Variants in CEP83 observed in about 807,000 individuals in gnomAD.
The protein encoded by CEP83 is centrosomal protein of 83 kDa.
CEP83 carries 70 observed loss-of-function variants against 101.9 expected under a neutral mutation model. That is an observed-to-expected ratio of 0.69 (90% confidence interval 0.57 to 0.84). CEP83 has a LOEUF of 0.84. Ranked by LOEUF, CEP83 falls within the 40% of genes least tolerant of loss-of-function variation. CEP83 has a pLI of 0.00. For missense variants in CEP83, 715 were observed against 787.2 expected, an observed-to-expected ratio of 0.91 and a Z score of 1.10; for synonymous variants, 264 against 267.9, an observed-to-expected ratio of 0.99 and a Z score of 0.14.
intron 2 of CEP83, among the ~76,000 whole-genome samples, chr12:94,417,173 G>A (rs1404001990): frequency 6.6e-6 from 1 of 151,930 alleles, no homozygotes; most frequent in Non-Finnish European, 1.5e-5. Flanking sequence ...AAAGTCATTA[G>A]CTAGGCATGG....
At chr12:94,333,045 CAAAAAAAAAAA>C (rs34900007) in intron 13 of CEP83, among the ~76,000 whole-genome samples, 2 of 73,174 alleles carry the variant, frequency 2.7e-5, no homozygotes, top group Non-Finnish European at 2.4e-5. Flanking sequence ...ATTTTAAGAC[CAAAAAAAAAAA>C]AAAAAAAAAC....
chr12:94,419,687 AAACTGACCTACCC>A (rs2064566760), intron 2 of CEP83, among the ~76,000 whole-genome samples: 2 of 152,174 alleles, frequency 1.3e-5, no homozygotes, highest in Non-Finnish European at 2.9e-5. Flanking sequence ...CACAGCCCAT[AAACTGACCTACCC>A]ATATAAGATA....
At chr12:94,315,918 T>C (rs1970613812) in intron 14 of CEP83, among the ~76,000 whole-genome samples, 1 of 152,280 alleles carries the variant, frequency 6.6e-6, no homozygotes, top group Middle Eastern at 3.4e-3. Flanking sequence ...TTATATTTAG[T>C]GTTGATACCT....
the CEP83 span, chr12:94,294,452 TG>T: frequency 1.1e-6 from 1 of 949,162 alleles, no homozygotes; most frequent in Non-Finnish European, 1.7e-6. Flanking sequence ...CATTAAATTT[TG>T]AACACTCATA....
At chr12:94,423,859 G>A in intron 2 of CEP83, 10 of 1,612,688 alleles carry the variant, frequency 6.2e-6, no homozygotes, top group East Asian at 4.5e-5. Flanking sequence ...GCACAGGGGT[G>A]TACTGGGAGA....
chr12:94,337,437 T>C (rs1226134118), intron 11 of CEP83, among the ~76,000 whole-genome samples: 2 of 152,194 alleles, frequency 1.3e-5, no homozygotes, highest in African/African-American at 4.8e-5. Context: ...TTAAGATCAT[T>C]ACATTTAGGA....
Position 94,335,682 on chromosome 12 carries a change from A to G in CEP83, c.1344-18T>C, listed in dbSNP as rs1305084476. 2.7e-6 allele frequency: 4 copies of G among 1,482,040 alleles called. No homozygotes were observed. The highest frequency in any genetic ancestry group is 3.7e-6 in the Non-Finnish European group (4 of 1,077,656). The allele number at this position is 1,482,040 out of a possible 1,614,324, so 91.8% of individuals were successfully genotyped here. ...GTTTTAACCTAAAAATCACAACCCAACAAAAGGCATTATTAAGAATCCATG... is the reference window on the plus strand; with the variant it reads ...GTTTTAACCTAAAAATCACAACCCAGCAAAAGGCATTATTAAGAATCCATG... On this transcript the variant is annotated intron_variant, in intron 11 of 16. Transcript: ENST00000397809.
chr12:94,321,351 T>G (rs1269637846), intron 14 of CEP83, among the ~76,000 whole-genome samples: 1 of 152,238 alleles, frequency 6.6e-6, no homozygotes, highest in Non-Finnish European at 1.5e-5. Context: ...CTATTCATAT[T>G]CTGAATTCTA....
intron 4 of CEP83, among the ~76,000 whole-genome samples, chr12:94,403,572 G>T (rs1398826740): frequency 6.6e-6 from 1 of 152,132 alleles, no homozygotes; most frequent in Non-Finnish European, 1.5e-5. Context: ...ATGGCTAATA[G>T]TCTAGTTATT....
At chr12:94,281,542 T>C in the CEP83 span, among the ~76,000 whole-genome samples, 2 of 152,164 alleles carry the variant, frequency 1.3e-5, no homozygotes, top group African/African-American at 4.8e-5. Context: ...ATTTTCTTTT[T>C]TTAAAGAAAT....
the CEP83 span, among the ~76,000 whole-genome samples, chr12:94,289,721 C>A: frequency 1.3e-5 from 2 of 152,174 alleles, no homozygotes; most frequent in African/African-American, 2.4e-5. Flanking sequence ...AAACGGAAAC[C>A]TTTCCCCCAC....
chr12:94,324,554 A>G (rs1483678724), intron 14 of CEP83, among the ~76,000 whole-genome samples: 3 of 152,156 alleles, frequency 2.0e-5, no homozygotes, highest in Non-Finnish European at 4.4e-5. Flanking sequence ...TCTGAGGACA[A>G]TCAGTCTTGC....
At chr12:94,423,922 G>A (rs2064983465) in intron 2 of CEP83, 1 of 1,611,128 alleles carries the variant, frequency 6.2e-7, no homozygotes, top group South Asian at 1.1e-5. Context: ...CTGTGCTGCT[G>A]AGGCAGAGAT....
the CEP83 span, among the ~76,000 whole-genome samples, chr12:94,280,657 T>G: frequency 3.3e-5 from 5 of 152,230 alleles, no homozygotes; most frequent in East Asian, 9.6e-4. Flanking sequence ...AGATACAGGA[T>G]CAAAGGGGGA....
At chr12:94,281,299 C>A in the CEP83 span, among the ~76,000 whole-genome samples, 15 of 151,974 alleles carry the variant, frequency 9.9e-5, 1 homozygote, top group Admixed American at 2.6e-4. Context: ...AAAAACAAAA[C>A]CAAAAAAAAG....
chr12:94,452,877 G>A (rs1225102195), intron 1 of CEP83, among the ~76,000 whole-genome samples: 1 of 152,126 alleles, frequency 6.6e-6, no homozygotes, highest in African/African-American at 2.4e-5. Flanking sequence ...TTAAGTAACT[G>A]GTTCAAAAAG....
chr12:94,304,429 T>C (rs907444196), downstream of CEP83: 3 of 166,170 alleles, frequency 1.8e-5, no homozygotes, highest in Non-Finnish European at 2.6e-5. Context: ...TATTCAATCG[T>C]TATATGAAAT....
At chr12:94,312,829 G>A in intron 15 of CEP83, 85 bp downstream of exon 15, 2 of 1,226,100 alleles carry the variant, frequency 1.6e-6, no homozygotes, top group East Asian at 2.9e-5. Flanking sequence ...TATTTTAAAA[G>A]AAAAGAAGGT....
chr12:94,363,058 G>A (rs2060850527), intron 11 of CEP83, among the ~76,000 whole-genome samples: 1 of 152,188 alleles, frequency 6.6e-6, no homozygotes, highest in Admixed American at 6.5e-5. Flanking sequence ...ACAGAGGTTG[G>A]TTAACAAATA....
Sources: allele counts gnomAD v4.1 joint callset (sites outside exome capture counted in the v4.1 genomes callset), GRCh38; gene constraint gnomAD v4.1.1; transcripts MANE v1.5; gene names NCBI Gene and HGNC (gene_info 2026-07-23, HGNC 2026-07-21).